GBX1: variants seen among roughly 807,000 people sequenced by gnomAD.
The protein encoded by GBX1 is homeobox protein GBX-1.
In GBX1, 9 loss-of-function variants were observed where a neutral mutation model predicts 22.9. The ratio of observed to expected loss-of-function variants is 0.39; its 90% CI spans 0.24 to 0.69. The LOEUF (loss-of-function observed/expected upper bound fraction) is 0.69. Among genes scored for constraint, GBX1 ranks in the 30% least tolerant of loss-of-function variants. The pLI, the probability that GBX1 is intolerant of heterozygous loss-of-function variation, is 0.43. For missense variants in GBX1, 494 were observed against 509.2 expected, an observed-to-expected ratio of 0.97 and a Z score of 0.29; for synonymous variants, 203 against 227.3, an observed-to-expected ratio of 0.89 and a Z score of 0.96.
At chr7:151,164,978 CACACACACAA>C (rs1801233325) in intron 1 of GBX1, among the ~76,000 whole-genome samples, 1 of 151,740 alleles carries the variant, frequency 6.6e-6, no homozygotes, top group Admixed American at 6.6e-5. Context: ...CTCTTACACA[CACACACACAA>C]ACACACACAC....
At chr7:151,161,453 CA>C (rs1801187203) in intron 1 of GBX1, among the ~76,000 whole-genome samples, 1 of 151,928 alleles carries the variant, frequency 6.6e-6, no homozygotes, top group African/African-American at 2.4e-5. Context: ...ATCTCTGATC[CA>C]GGGGGTTCTT....
At chr7:151,156,724 C>T (rs1563550628) in intron 1 of GBX1, among the ~76,000 whole-genome samples, 1 of 152,072 alleles carries the variant, frequency 6.6e-6, no homozygotes, top group African/African-American at 2.4e-5. Context: ...GTGGCTCATG[C>T]CTGTAATCCT....
At chr7:151,161,995 GAC>G (rs1380095576) in intron 1 of GBX1, among the ~76,000 whole-genome samples, 1 of 152,208 alleles carries the variant, frequency 6.6e-6, no homozygotes, top group East Asian at 1.9e-4. Context: ...TGTAGTAATA[GAC>G]AGACAATAAA....
rs753064370 is a variant in GBX1, at chr7:151,148,855, A to G, written c.826T>C (p.Leu276=). 18 of 1,613,924 alleles carry G rather than the reference A, an allele frequency of 1.1e-5. No homozygotes were observed. In the African/African-American group the frequency reaches 2.3e-4, roughly 20 times the overall value. The part of the protein sequence containing the change: ...TAFTSEQLLE[L]EKEFHCKKYL... Reference sequence around the variant, plus strand: ...TTCTTGCAATGAAATTCCTTCTCCAATTCCAAAAGCTGCTCGCTGGTAAAT... The same window carrying G: ...TTCTTGCAATGAAATTCCTTCTCCAGTTCCAAAAGCTGCTCGCTGGTAAAT... Residue 276 remains leucine, a synonymous_variant, in exon 2 of 2, where the codon TTG becomes CTG. Transcript: ENST00000297537. This position sits in a 1 kb window ranked among gnomAD's most constrained non-coding sequence, Gnocchi z 5.1.
chr7:151,161,442 T>C (rs971561597), intron 1 of GBX1, among the ~76,000 whole-genome samples: 4 of 152,128 alleles, frequency 2.6e-5, no homozygotes, highest in African/African-American at 9.7e-5. Context: ...TCCTGAGGTC[T>C]ATCTCTGATC....
intron 1 of GBX1, 63 bp from the exon 2 acceptor site, chr7:151,149,205 G>A (rs1024389823): frequency 5.5e-5 from 83 of 1,500,492 alleles, no homozygotes; most frequent in Non-Finnish European, 7.3e-5. Context: ...GTTTGGAGGA[G>A]GCCCATGGAA....
chr7:151,148,489 C>G lies in GBX1; in HGVS notation c.*100G>C. 1 of 1,167,468 alleles carries G rather than the reference C, an allele frequency of 8.6e-7. No individual in the cohort carries two copies. The highest frequency in any genetic ancestry group is 1.2e-6 in the Non-Finnish European group (1 of 830,552). 72.3% of individuals were successfully genotyped at this position (1,167,468 alleles called of 1,614,324 possible). ...AATTGCCAACTAGCCCCTCTCAAGG[C>G]AGAATCACAGTTGCAGCCCCTCTGG... On this transcript the variant is annotated 3_prime_UTR_variant, in exon 2 of 2. Transcript: ENST00000297537. The surrounding 1 kb of genome is among the most constrained non-coding windows in gnomAD (Gnocchi z 5.1).
rs758727840 is a variant in GBX1, at chr7:151,148,870, C to T, written c.811G>A (p.Glu271Lys). Reference sequence around the variant, plus strand: ...TCCTTCTCCAATTCCAAAAGCTGCTCGCTGGTAAATGCTGTGCGGCGCCGT... The same window carrying T: ...TCCTTCTCCAATTCCAAAAGCTGCTTGCTGGTAAATGCTGTGCGGCGCCGT... The part of the protein sequence containing the change: ...SRRRRTAFTS[E>K]QLLELEKEFH... Residue 271 changes from glutamate to lysine, a missense_variant, in exon 2 of 2, where the codon GAG (glutamate) becomes AAG (lysine). Coordinates refer to ENST00000297537, the MANE Select transcript of GBX1 (RefSeq NM_001098834.3). The surrounding 1 kb of genome is among the most constrained non-coding windows in gnomAD (Gnocchi z 5.1). The T allele has an allele frequency of 3.7e-6, 6 of 1,614,030 alleles. No individual in the cohort carries two copies. Among genetic ancestry groups the T allele is most frequent in the African/African-American group, 1.3e-5 (1 of 74,886 alleles).
At position 151,167,522 on chromosome 7, in the gene GBX1, G is replaced by A; in HGVS notation, c.27C>T (p.Ala9=). The A allele has an allele frequency of 1.4e-6, 2 of 1,469,748 alleles. No individual in the cohort carries two copies. Among genetic ancestry groups the A allele is most frequent in the African/African-American group, 1.5e-5 (1 of 66,370 alleles). 91.0% of individuals were successfully genotyped at this position (1,469,748 alleles called of 1,614,324 possible). ...CGCCGCCCCCGCCGTTGCCCCCAGG[G>A]GCGCTACCGCCTCCGGCCCGCTGCA... MQRAGGGS[A]PGGNGGGGGG... The change falls in exon 1 of 2, where the codon GCC becomes GCT. Residue 9 remains alanine, a synonymous_variant. Transcript: ENST00000297537. The surrounding 1 kb of genome is among the most constrained non-coding windows in gnomAD (Gnocchi z 5.9).
intron 1 of GBX1, among the ~76,000 whole-genome samples, chr7:151,150,371 T>C (rs1801063721): frequency 6.6e-6 from 1 of 152,336 alleles, no homozygotes; most frequent in Non-Finnish European, 1.5e-5. Context: ...GTAAGCTGAA[T>C]AGTCAGCTCC....
rs537304457 is a variant in GBX1 at position 151,167,088 on chromosome 7, A to T, written c.461T>A (p.Leu154Gln). 63 of 1,603,954 alleles carry T rather than the reference A, an allele frequency of 3.9e-5. 3 individuals are homozygous for T. In the South Asian group the frequency reaches 5.6e-4, roughly 14 times the overall value. Reference sequence around the variant, plus strand: ...CTCTGCCACTTTCTCCCGGGCCGGCAGCAGCTCATCAGCTTCCAGCCCACC... The same window carrying T: ...CTCTGCCACTTTCTCCCGGGCCGGCTGCAGCTCATCAGCTTCCAGCCCACC... ...PEGGLEADELLPAREKVAEPP... is the reference protein window; with the variant it reads ...PEGGLEADELQPAREKVAEPP... The change falls in exon 1 of 2, where the codon CTG becomes CAG. Residue 154 changes from leucine to glutamine, a missense_variant. Leu to Gln is a moderately radical substitution (Grantham distance 113). This residue lies in a region of GBX1 where 365 missense variants were observed against 340.4 expected (regional missense o/e 1.07). Transcript: ENST00000297537. The surrounding 1 kb of genome is among the most constrained non-coding windows in gnomAD (Gnocchi z 5.9).
In GBX1 at chr7:151,161,105, C is replaced by G. The variant is rs538285177; in HGVS notation, c.538+5906G>C. On this transcript the variant is annotated intron_variant, in intron 1 of 1. Coordinates refer to ENST00000297537, the MANE Select transcript of GBX1 (RefSeq NM_001098834.3). ...TTTTCTTTTCCTATTACTTCCCAGG[C>G]AGAATTCTTGCTTCCTATTGTAACA... 5.9e-5 allele frequency among the ~76,000 whole-genome samples: 9 copies of G among 152,264 alleles called. No homozygotes were observed. In the East Asian group the frequency reaches 1.7e-3, roughly 29 times the overall value.
intron 1 of GBX1, among the ~76,000 whole-genome samples, chr7:151,153,941 T>C (rs992750221): frequency 6.6e-6 from 1 of 152,136 alleles, no homozygotes; most frequent in African/African-American, 2.4e-5. Context: ...ACAATGTTCA[T>C]AAAAGTAAAT....
Position 151,148,794 on chromosome 7 carries a change from T to C in GBX1, c.887A>G (p.His296Arg), listed in dbSNP as rs776675913. 1.9e-6 allele frequency: 3 copies of C among 1,614,174 alleles called. No individual in the cohort carries two copies. Among genetic ancestry groups the C allele is most frequent in the Non-Finnish European group, 2.5e-6 (3 of 1,180,030 alleles). Residue 296 changes from histidine (H) to arginine (R), a missense_variant, in exon 2 of 2, where the codon CAC becomes CGC. Around this residue, in one of 3 missense-constraint regions of GBX1, gnomAD observed 124 missense variants for 152.0 expected, o/e 0.82. Transcript: ENST00000297537. The surrounding 1 kb of genome is among the most constrained non-coding windows in gnomAD (Gnocchi z 5.1). The stretch of plus-strand genomic sequence containing the variant: ...CTGCACCTCACTGAGCTTGAGGGCG[T>C]GGGCGATCTGAGAGCGCTCTGTCAA... ...LSLTERSQIAHALKLSEVQVK... is the reference protein window; with the variant it reads ...LSLTERSQIARALKLSEVQVK...
At position 151,148,892 on chromosome 7, in the gene GBX1, C is replaced by T. The variant is rs1291512625; in HGVS notation, c.789G>A (p.Arg263=). ...GCTCGCTGGTAAATGCTGTGCGGCGCCGTCGGCTTTTCCCCCCAGGAGCTG... is the reference window on the plus strand; with the variant it reads ...GCTCGCTGGTAAATGCTGTGCGGCGTCGTCGGCTTTTCCCCCCAGGAGCTG... ...GVTAPGGKSR[R]RRTAFTSEQL... Residue 263 remains arginine (R), a synonymous_variant, in exon 2 of 2, where the codon CGG becomes CGA. Transcript: ENST00000297537. The surrounding 1 kb of genome is among the most constrained non-coding windows in gnomAD (Gnocchi z 5.1). 6.2e-7 allele frequency: 1 copy of T among 1,614,202 alleles called. No homozygotes were observed. Among genetic ancestry groups the T allele is most frequent in the Non-Finnish European group, 8.5e-7 (1 of 1,180,042 alleles).
chr7:151,158,825 A>G (rs1281910041), intron 1 of GBX1, among the ~76,000 whole-genome samples: 2 of 152,210 alleles, frequency 1.3e-5, no homozygotes, highest in Non-Finnish European at 1.5e-5. Context: ...AAGGACAATA[A>G]GGATAAATTC....
At position 151,148,562 on chromosome 7, in the gene GBX1, C is replaced by T. The variant is rs759351451; in HGVS notation, c.*27G>A. On this transcript the variant is annotated 3_prime_UTR_variant, in exon 2 of 2. Coordinates refer to ENST00000297537, the MANE Select transcript of GBX1 (RefSeq NM_001098834.3). The surrounding 1 kb of genome is among the most constrained non-coding windows in gnomAD (Gnocchi z 5.1). ...AGAGCAGGCTCAGGTACAGATCCCT[C>T]GCCTTCCTAAGTTCTTGGGTGCCCA... 41 of 1,600,530 alleles carry T rather than the reference C, an allele frequency of 2.6e-5. No individual in the cohort carries two copies. Among genetic ancestry groups the T allele is most frequent in the Admixed American group, 8.5e-5 (5 of 59,122 alleles).
rs752102796 is a variant in GBX1, at chr7:151,167,158, TGGCGGCGGCGGCGGCAGC to T, written c.373_390del (p.Ala125_Ala130del). On this transcript the variant is annotated inframe_deletion, in exon 1 of 2. Coordinates refer to ENST00000297537, the MANE Select transcript of GBX1 (RefSeq NM_001098834.3). The surrounding 1 kb of genome is among the most constrained non-coding windows in gnomAD (Gnocchi z 5.9). ...GGCTCGGGGTTGTTTCGGGCGGCAGTGGCGGCGGCGGCGGCAGCGGCGGCGGCGAGCTCCTGGGGCCCG... is the reference window on the plus strand; with the variant it reads ...GGCTCGGGGTTGTTTCGGGCGGCAGTGGCGGCGGCGAGCTCCTGGGGCCCG... The T allele has an allele frequency of 4.4e-5, 70 of 1,592,026 alleles. No homozygotes were observed. The highest frequency in any genetic ancestry group is 5.0e-5 in the Non-Finnish European group (58 of 1,171,700).
chr7:151,159,832 T>C (rs1361628506), intron 1 of GBX1, among the ~76,000 whole-genome samples: 2 of 152,174 alleles, frequency 1.3e-5, no homozygotes, highest in East Asian at 1.9e-4. Context: ...CCCAATCTAT[T>C]TGGCCTATAC....
Sources: allele counts gnomAD v4.1 joint callset (sites outside exome capture counted in the v4.1 genomes callset), GRCh38; gene constraint gnomAD v4.1.1; regional missense constraint gnomAD v4.1.1; non-coding constraint Gnocchi (gnomAD v3.1); transcripts MANE v1.5; gene names NCBI Gene and HGNC (gene_info 2026-07-23, HGNC 2026-07-21).